Variants in PARD3 observed in about 807,000 individuals in gnomAD.
PARD3 encodes partitioning defective 3 homolog.
PARD3 carries 75 observed loss-of-function variants against 155.4 expected under a neutral mutation model. The observed-to-expected ratio is 0.48, with a 90% CI of 0.40 to 0.58. The LOEUF (loss-of-function observed/expected upper bound fraction) is 0.58. PARD3 is among the 20% of genes least tolerant of loss of function. PARD3 has a pLI of 0.00. For synonymous variants in PARD3, 576 were observed against 610.5 expected (o/e 0.94, Z 0.83); for missense variants, 1,642 against 1,721.7 (o/e 0.95, Z 0.82).
chr10:34,732,417 C>T (rs1286754457), intron 1 of PARD3, among the ~76,000 whole-genome samples: 1 of 152,106 alleles, frequency 6.6e-6, no homozygotes, highest in East Asian at 1.9e-4. Context: ...TACATACAGG[C>T]CAGGTGCAAT....
At chr10:34,800,555 G>C (rs1842756821) in intron 1 of PARD3, among the ~76,000 whole-genome samples, 1 of 151,966 alleles carries the variant, frequency 6.6e-6, no homozygotes, top group Admixed American at 6.6e-5. Context: ...AGCTTGCAGT[G>C]AGCCGCGATC....
chr10:34,324,876 C>G (rs1352132100), intron 19 of PARD3, among the ~76,000 whole-genome samples: 3 of 152,168 alleles, frequency 2.0e-5, no homozygotes, highest in African/African-American at 7.2e-5. Context: ...GATTGTACTA[C>G]TATCACAGAA....
chr10:34,694,303 T>C (rs914793048), intron 2 of PARD3, among the ~76,000 whole-genome samples: 1 of 152,080 alleles, frequency 6.6e-6, no homozygotes, highest in African/African-American at 2.4e-5. Flanking sequence ...TGTAGTTGCC[T>C]TGAGTGTTGG....
At chr10:34,801,797 G>T (rs146307036) in intron 1 of PARD3, among the ~76,000 whole-genome samples, 9 of 152,246 alleles carry the variant, frequency 5.9e-5, no homozygotes, top group Middle Eastern at 3.4e-3. Flanking sequence ...ATGGGCACAT[G>T]AATTATAGAG....
intron 21 of PARD3, among the ~76,000 whole-genome samples, chr10:34,276,526 A>G (rs1394858733): frequency 3.9e-5 from 6 of 152,186 alleles, no homozygotes; most frequent in African/African-American, 9.6e-5. Flanking sequence ...TAACATTTCT[A>G]TTCATTAGTA....
At chr10:34,324,759 G>T (rs1185837190) in intron 19 of PARD3, among the ~76,000 whole-genome samples, 2 of 151,510 alleles carry the variant, frequency 1.3e-5, no homozygotes, top group East Asian at 3.9e-4. Flanking sequence ...GTGCTAATGA[G>T]AGAAATCACA....
At chr10:34,543,405 A>G (rs975561155) in intron 2 of PARD3, among the ~76,000 whole-genome samples, 1 of 152,222 alleles carries the variant, frequency 6.6e-6, no homozygotes, top group African/African-American at 2.4e-5. Context: ...AGAAGAAGAA[A>G]AAAAGACCAA....
chr10:34,557,331 T>C (rs372764006), intron 2 of PARD3, among the ~76,000 whole-genome samples: 8 of 152,124 alleles, frequency 5.3e-5, no homozygotes, highest in East Asian at 1.9e-4. Flanking sequence ...GCCTAGAAAA[T>C]AGTTATCAAA....
chr10:34,751,216 T>TA lies in PARD3; in HGVS notation c.121-54798dup, dbSNP rs35709541. On this transcript the variant is annotated intron_variant, in intron 1 of 24. Coordinates refer to ENST00000374788, the MANE Select transcript of PARD3 (RefSeq NM_001184785.2). ...GAGCTGTTACAAGTATTAAATGTAA[T>TA]AAAAAAAAAAATAGCCTCGTATTTG... Among the ~76,000 whole-genome samples the TA allele has an allele frequency of 3.4e-3, 514 of 150,304 alleles. 6 individuals are homozygous for TA. Among genetic ancestry groups the TA allele is most frequent in the East Asian group, 0.028 (145 of 5,132 alleles).
At chr10:34,218,979 A>T (rs767009059) in intron 22 of PARD3, among the ~76,000 whole-genome samples, 3 of 152,226 alleles carry the variant, frequency 2.0e-5, no homozygotes, top group Non-Finnish European at 4.4e-5. Context: ...TCATCACAGG[A>T]TTTCAGGATG....
At chr10:34,299,047 C>T (rs923884403) in intron 20 of PARD3, among the ~76,000 whole-genome samples, 52 of 152,294 alleles carry the variant, frequency 3.4e-4, no homozygotes, top group Admixed American at 2.9e-3. Context: ...TCCTTTGTAA[C>T]ATCTTTGGAA....
chr10:34,465,264 C>T (rs760472563), intron 4 of PARD3, among the ~76,000 whole-genome samples: 6 of 151,988 alleles, frequency 3.9e-5, no homozygotes, highest in Non-Finnish European at 8.8e-5. Context: ...TTCCCTGCTT[C>T]TATATACCCT....
chr10:34,241,266 C>T (rs919092063), intron 22 of PARD3, among the ~76,000 whole-genome samples: 76 of 152,124 alleles, frequency 5.0e-4, no homozygotes, highest in African/African-American at 1.6e-3. Flanking sequence ...TTTCAAGATC[C>T]AGAGCAGGAC....
chr10:34,702,603 T>C (rs975665732), intron 1 of PARD3, among the ~76,000 whole-genome samples: 4 of 152,118 alleles, frequency 2.6e-5, no homozygotes, highest in African/African-American at 9.7e-5. Flanking sequence ...AGTGAATATT[T>C]ACGTACTGAT....
chr10:34,175,994 G>A (rs1950015629), intron 22 of PARD3, among the ~76,000 whole-genome samples: 1 of 152,052 alleles, frequency 6.6e-6, no homozygotes, highest in African/African-American at 2.4e-5. Flanking sequence ...CACACACTGA[G>A]AACAATTCAC....
At chr10:34,376,253 C>T (rs185724972) in intron 10 of PARD3, among the ~76,000 whole-genome samples, 47 of 152,270 alleles carry the variant, frequency 3.1e-4, no homozygotes, top group Admixed American at 3.1e-3. Context: ...GAAATAAAGC[C>T]TAACTCGAAA....
chr10:34,578,267 A>G (rs945944103), intron 2 of PARD3, among the ~76,000 whole-genome samples: 6 of 152,178 alleles, frequency 3.9e-5, no homozygotes, highest in African/African-American at 1.4e-4. Flanking sequence ...ATCATCACAT[A>G]CTGCCATCCT....
At chr10:34,321,421 T>C (rs572553550) in intron 19 of PARD3, among the ~76,000 whole-genome samples, 5 of 152,206 alleles carry the variant, frequency 3.3e-5, no homozygotes, top group Admixed American at 6.5e-5. Flanking sequence ...TTTGACAGAC[T>C]ATTTGCTTTC....
rs191642234 is a variant in PARD3, at chr10:34,577,379, C to T, written c.223-60220G>A. Among the ~76,000 whole-genome samples the T allele has an allele frequency of 5.3e-5, 8 of 152,226 alleles. No individual in the cohort carries two copies. The East Asian group carries it at 1.5e-3, about 29-fold the overall frequency. On this transcript the variant is annotated intron_variant, in intron 2 of 24. Coordinates refer to ENST00000374788, the MANE Select transcript of PARD3 (RefSeq NM_001184785.2). ...TATATGCTGTAGAATTTGCTTAATC[C>T]TCTTAGGAACATTTAAACCGACAAC...
Sources: gnomAD v4.1 joint callset for allele counts (sites outside exome capture counted in the v4.1 genomes callset) on GRCh38, gnomAD v4.1.1 for gene constraint, MANE v1.5 for transcripts, NCBI Gene and HGNC (gene_info 2026-07-23, HGNC 2026-07-21) for gene names.